The following TLE4 variants were observed in gnomAD, a reference collection of about 807,000 sequenced individuals.
TLE4 encodes the protein transducin-like enhancer protein 4.
In TLE4, 8 loss-of-function variants were observed where a neutral mutation model predicts 92.8. That is an observed-to-expected ratio of 0.09 (90% CI 0.05 to 0.16). TLE4 has a LOEUF of 0.16. Ranked by LOEUF, TLE4 falls within the 10% of genes least tolerant of loss-of-function variation. The pLI, the probability that TLE4 is intolerant of heterozygous loss-of-function variation, is 1.00. For synonymous variants in TLE4, 371 were observed against 374.1 expected, an observed-to-expected ratio of 0.99 and a Z score of 0.10; for missense variants, 675 against 997.6, an observed-to-expected ratio of 0.68 and a Z score of 4.36.
rs1311037887 is a variant in TLE4, at chr9:79,572,131, T to G, written c.-660T>G. ...GCGTTTCACTCTTTTATTTTTATAA[T>G]CCCCTTCAATTTGGGGTTAAAAAAA... On this transcript the variant is annotated 5_prime_UTR_variant, in exon 1 of 20. Transcript: ENST00000376552. 3 of 150,632 alleles carry G rather than the reference T, an allele frequency of 2.0e-5. No individual in the cohort carries two copies. Among genetic ancestry groups the G allele is most frequent in the African/African-American group, 4.9e-5 (2 of 40,980 alleles). 9.3% of individuals were successfully genotyped at this position (150,632 alleles called of 1,614,324 possible).
intron 13 of TLE4, among the ~76,000 whole-genome samples, chr9:79,709,227 C>T (rs1008668531): frequency 1.3e-5 from 2 of 152,128 alleles, no homozygotes; most frequent in Admixed American, 1.3e-4. Context: ...TCTTGAGGTC[C>T]ATTTTCTTTT....
intron 14 of TLE4, among the ~76,000 whole-genome samples, chr9:79,710,633 T>A (rs896335382): frequency 1.3e-5 from 2 of 152,194 alleles, no homozygotes; most frequent in Non-Finnish European, 2.9e-5. Context: ...TTGTCCTTAC[T>A]GTCCTTCTTC....
At chr9:79,594,470 C>G (rs1384111298) in intron 4 of TLE4, among the ~76,000 whole-genome samples, 1 of 152,062 alleles carries the variant, frequency 6.6e-6, no homozygotes, top group Non-Finnish European at 1.5e-5. Context: ...TTTGCTTAAG[C>G]TCCATCCAGA....
At chr9:79,695,686 A>G in intron 8 of TLE4, among the ~76,000 whole-genome samples, 1 of 152,218 alleles carries the variant, frequency 6.6e-6, no homozygotes, top group Non-Finnish European at 1.5e-5. Flanking sequence ...AGTGCTGGGA[A>G]GGAAGCACAC....
Position 79,573,348 on chromosome 9 carries a change from C to G in TLE4, c.46-341C>G, listed in dbSNP as rs767775838. On this transcript the variant is annotated intron_variant, in intron 1 of 19. Coordinates refer to ENST00000376552, the MANE Select transcript of TLE4 (RefSeq NM_007005.6). ...CCCGACGCCATGGCGCGGGTCCCCC[C>G]GACGGGCCAGTTTCGATTCCGGGTG... is the stretch of plus-strand genomic sequence containing the variant. 8 of 1,105,104 alleles carry G rather than the reference C, an allele frequency of 7.2e-6. No homozygotes were observed. In the Admixed American group the frequency reaches 1.2e-4, roughly 17 times the overall value. The allele number at this position is 1,105,104 out of a possible 1,614,324, so 68.5% of individuals were successfully genotyped here.
chr9:79,705,656 G>A (rs972087749), intron 9 of TLE4, among the ~76,000 whole-genome samples: 1 of 152,136 alleles, frequency 6.6e-6, no homozygotes, highest in African/African-American at 2.4e-5. Flanking sequence ...AATGTAATCA[G>A]GTCACCCTCT....
intron 8 of TLE4, among the ~76,000 whole-genome samples, chr9:79,691,527 C>T (rs2067082294): frequency 6.6e-6 from 1 of 152,108 alleles, no homozygotes; most frequent in Non-Finnish European, 1.5e-5. Flanking sequence ...ATAAAACACA[C>T]ACCTCACCGT....
At chr9:79,639,653 C>T (rs968268427) in intron 6 of TLE4, among the ~76,000 whole-genome samples, 4 of 151,904 alleles carry the variant, frequency 2.6e-5, no homozygotes, top group African/African-American at 9.7e-5. Flanking sequence ...TTTACTATAC[C>T]TCTTCTGTGT....
intron 12 of TLE4, among the ~76,000 whole-genome samples, 168 bp from the exon 13 acceptor site, chr9:79,708,425 G>A (rs1455333632): frequency 6.6e-6 from 1 of 152,204 alleles, no homozygotes; most frequent in Non-Finnish European, 1.5e-5. Context: ...CATGGTAAGT[G>A]TTCAATAGAA....
rs1289350056 is a variant in TLE4, at chr9:79,708,338, T to C, written c.1069+88T>C. 2.7e-6 allele frequency: 4 copies of C among 1,458,158 alleles called. No individual in the cohort carries two copies. The East Asian group carries it at 7.1e-5, about 26-fold the overall frequency. 90.3% of individuals were successfully genotyped at this position (1,458,158 alleles called of 1,614,324 possible). On this transcript the variant is annotated intron_variant, in intron 12 of 19. Coordinates refer to ENST00000376552, the MANE Select transcript of TLE4 (RefSeq NM_007005.6). ...AAGGAGTACAGTACATTAAAAGTGC[T>C]AATGACCAGCATTGAATGGCTGTTA...
intron 6 of TLE4, among the ~76,000 whole-genome samples, chr9:79,645,403 C>T (rs1225321571): frequency 6.6e-6 from 1 of 152,174 alleles, no homozygotes; most frequent in Non-Finnish European, 1.5e-5. Context: ...TGGAAATGCC[C>T]AAAATTCCTA....
chr9:79,618,614 A>G (rs2050206033), intron 5 of TLE4, among the ~76,000 whole-genome samples: 1 of 152,050 alleles, frequency 6.6e-6, no homozygotes, highest in African/African-American at 2.4e-5. Flanking sequence ...AGGAGGATGG[A>G]CATTTTCCTC....
At chr9:79,620,723 A>G (rs970149517) in intron 5 of TLE4, among the ~76,000 whole-genome samples, 5 of 152,176 alleles carry the variant, frequency 3.3e-5, no homozygotes, top group African/African-American at 7.2e-5. Flanking sequence ...TTGCATTGCT[A>G]TAAAGAAATA....
intron 8 of TLE4, among the ~76,000 whole-genome samples, chr9:79,675,115 T>C (rs1425087340): frequency 2.0e-5 from 3 of 152,194 alleles, no homozygotes; most frequent in Admixed American, 1.3e-4. Flanking sequence ...AATTTTTAAA[T>C]CTCTTTGTCC....
chr9:79,625,886 AAAAT>A (rs777790466), intron 5 of TLE4, among the ~76,000 whole-genome samples: 8 of 149,326 alleles, frequency 5.4e-5, no homozygotes, highest in Non-Finnish European at 8.9e-5. Flanking sequence ...ATATTTATAT[AAAAT>A]AAATAAATAT....
intron 8 of TLE4, among the ~76,000 whole-genome samples, chr9:79,679,750 G>C (rs2064080785): frequency 6.6e-6 from 1 of 152,046 alleles, no homozygotes; most frequent in African/African-American, 2.4e-5. Context: ...ATGGTTTTAG[G>C]TCTAACATGT....
At chr9:79,620,206 T>G (rs2050624417) in intron 5 of TLE4, among the ~76,000 whole-genome samples, 2 of 152,250 alleles carry the variant, frequency 1.3e-5, no homozygotes, top group African/African-American at 4.8e-5. Flanking sequence ...GAGCTAAGTT[T>G]GAAGGTACCT....
At chr9:79,626,388 T>C (rs996769714) in intron 5 of TLE4, among the ~76,000 whole-genome samples, 3 of 152,246 alleles carry the variant, frequency 2.0e-5, no homozygotes, top group Admixed American at 2.0e-4. Flanking sequence ...ACTCTTCAGA[T>C]GTACAGAGGA....
At position 79,720,375 on chromosome 9, in the gene TLE4, T is replaced by TGG. The variant is rs772861591; in HGVS notation, c.1838+84_1838+85dup. The TGG allele has an allele frequency of 9.0e-3, 5,856 of 652,402 alleles. 811 individuals are homozygous for TGG. The highest frequency in any genetic ancestry group is 0.069 in the African/African-American group (2,050 of 29,582). 40.4% of individuals were successfully genotyped at this position (652,402 alleles called of 1,614,324 possible). On this transcript the variant is annotated intron_variant, in intron 16 of 19. Transcript: ENST00000376552. Reference sequence around the variant, plus strand: ...TGCCAAAGTGCTGTGTATATAGGTATGGGTGTGTGTGTGTGTGTGTGTGTG... The same window carrying TGG: ...TGCCAAAGTGCTGTGTATATAGGTATGGGGGTGTGTGTGTGTGTGTGTGTGTG...
Sources: allele counts gnomAD v4.1 joint callset (sites outside exome capture counted in the v4.1 genomes callset), GRCh38; gene constraint gnomAD v4.1.1; transcripts MANE v1.5; gene names NCBI Gene and HGNC (gene_info 2026-07-23, HGNC 2026-07-21).